ROCK2: variants seen among roughly 807,000 people sequenced by gnomAD.
ROCK2 encodes Rho associated coiled-coil containing protein kinase 2.
In ROCK2, 61 loss-of-function variants were observed where a neutral mutation model predicts 195.1. That is an observed-to-expected ratio of 0.31 (90% confidence interval 0.25 to 0.39). The LOEUF is 0.39. Ranked by LOEUF, ROCK2 falls within the 10% of genes least tolerant of loss-of-function variation. The pLI, the probability that ROCK2 is intolerant of heterozygous loss-of-function variation, is 1.00. For synonymous variants in ROCK2, 504 were observed against 545.5 expected (o/e 0.92, Z 1.06); for missense variants, 1,109 against 1,637.4 (o/e 0.68, Z 5.57).
At chr2:11,227,733 A>T (rs1382077149) in intron 5 of ROCK2, among the ~76,000 whole-genome samples, 1 of 152,338 alleles carries the variant, frequency 6.6e-6, no homozygotes, top group East Asian at 1.9e-4. Flanking sequence ...GGTTAGTACA[A>T]AATGTGGTCT....
chr2:11,317,559 C>T lies in ROCK2; in HGVS notation c.141+26437G>A, dbSNP rs201768625. Among the ~76,000 whole-genome samples, 46 of 117,138 alleles carry T rather than the reference C, an allele frequency of 3.9e-4. 1 individual carries two copies. The East Asian group carries it at 7.0e-3, about 18-fold the overall frequency. 76.8% of individuals were successfully genotyped at this position (117,138 alleles called of 152,430 possible). ...ACTTCAAAAAGCTATTTTTTAAAGC[C>T]GCCCTGATCTACACATTTATATATA... On this transcript the variant is annotated intron_variant, in intron 1 of 32. Coordinates refer to ENST00000315872, the MANE Select transcript of ROCK2 (RefSeq NM_004850.5).
chr2:11,270,102 T>C (rs972709751), intron 3 of ROCK2, among the ~76,000 whole-genome samples: 6 of 151,726 alleles, frequency 4.0e-5, no homozygotes, highest in African/African-American at 1.5e-4. Context: ...AATTCTAGAT[T>C]GGTAATTTTG....
chr2:11,310,147 T>C (rs1468986463), intron 1 of ROCK2, among the ~76,000 whole-genome samples: 1 of 152,192 alleles, frequency 6.6e-6, no homozygotes, highest in Non-Finnish European at 1.5e-5. Flanking sequence ...AAATACTGTG[T>C]ATTTCATTTC....
At chr2:11,270,573 G>T (rs1234419717) in intron 3 of ROCK2, among the ~76,000 whole-genome samples, 1 of 151,706 alleles carries the variant, frequency 6.6e-6, no homozygotes, top group Non-Finnish European at 1.5e-5. Flanking sequence ...TTCAGTTTTG[G>T]GTGTACCTAT....
intron 4 of ROCK2, among the ~76,000 whole-genome samples, chr2:11,240,236 T>C (rs1665375034): frequency 1.3e-5 from 2 of 152,332 alleles, no homozygotes; most frequent in African/African-American, 2.4e-5. Flanking sequence ...CTTCTAATCA[T>C]GTGTTTGGTC....
In ROCK2 at chr2:11,216,925, T is replaced by C. The variant is rs575244006; in HGVS notation, c.1412+165A>G. The stretch of plus-strand genomic sequence containing the variant: ...TTTTAGTAGAGACTGGGTTTCGCCA[T>C]CTTGGCCAGGCTGGTCTTGAACTCC... On this transcript the variant is annotated intron_variant, in intron 12 of 32. Transcript: ENST00000315872. Among the ~76,000 whole-genome samples the C allele has an allele frequency of 3.9e-5, 6 of 152,154 alleles. No homozygotes were observed. In the South Asian group the frequency reaches 8.3e-4, roughly 21 times the overall value.
intron 3 of ROCK2, among the ~76,000 whole-genome samples, chr2:11,266,247 T>C (rs10183296): frequency 0.78 from 118,244 of 152,170 alleles, 48,101 homozygotes; most frequent in East Asian, 0.94. Flanking sequence ...AGAAATATGT[T>C]CATGGTGGTT....
chr2:11,252,996 T>A (rs1665892679), intron 3 of ROCK2, among the ~76,000 whole-genome samples: 1 of 105,406 alleles, frequency 9.5e-6, no homozygotes, highest in African/African-American at 3.2e-5. Context: ...TTAAAGGTAA[T>A]CTGCAGGCAG....
chr2:11,299,273 C>CAA (rs1208739865), intron 1 of ROCK2, among the ~76,000 whole-genome samples: 5 of 126,172 alleles, frequency 4.0e-5, no homozygotes, highest in South Asian at 2.5e-4. Flanking sequence ...GACTCCATCT[C>CAA]AAAAAAAAAA....
At chr2:11,283,769 G>T (rs1259924428) in intron 3 of ROCK2, among the ~76,000 whole-genome samples, 1 of 152,150 alleles carries the variant, frequency 6.6e-6, no homozygotes, top group African/African-American at 2.4e-5. Context: ...CAAATGCCAG[G>T]GAGGATGTGA....
chr2:11,192,378 GAAA>G lies in ROCK2; in HGVS notation c.3950-20_3950-18del, dbSNP rs561135077. 5 of 1,586,192 alleles carry G rather than the reference GAAA, an allele frequency of 3.2e-6. No homozygotes were observed. The South Asian group carries it at 5.8e-5, about 18-fold the overall frequency. Reference sequence around the variant, plus strand: ...CATAATATACTATAAAGAAAAATTAGAAAAAAAAATTAATGTGCTTAAAATGAT... The same window carrying G: ...CATAATATACTATAAAGAAAAATTAGAAAAAATTAATGTGCTTAAAATGAT... On this transcript the variant is annotated intron_variant, in intron 31 of 32. Transcript: ENST00000315872. The surrounding 1 kb of genome is among the most constrained non-coding windows in gnomAD (Gnocchi z 5.0).
intron 3 of ROCK2, among the ~76,000 whole-genome samples, chr2:11,277,341 A>G (rs1666860146): frequency 6.6e-6 from 1 of 152,006 alleles, no homozygotes. Context: ...TTTTTCCCCC[A>G]TAGGTTATAG....
chr2:11,192,849 A>C lies in ROCK2; in HGVS notation c.3688-137T>G. On this transcript the variant is annotated intron_variant, in intron 30 of 32. Transcript: ENST00000315872. This position sits in a 1 kb window ranked among gnomAD's most constrained non-coding sequence, Gnocchi z 5.0. ...GAAAATGTATCTGAAGTACAAACTT[A>C]AGCTCTTGATTACGCAAACTTAATC... The C allele has an allele frequency of 9.9e-7, 1 of 1,014,138 alleles. No individual in the cohort carries two copies. The highest frequency in any genetic ancestry group is 1.4e-6 in the Non-Finnish European group (1 of 716,612). The allele number at this position is 1,014,138 out of a possible 1,614,324, so 62.8% of individuals were successfully genotyped here.
At chr2:11,244,186 T>C (rs968920021) in intron 4 of ROCK2, among the ~76,000 whole-genome samples, 5 of 152,232 alleles carry the variant, frequency 3.3e-5, no homozygotes, top group Non-Finnish European at 7.3e-5. Flanking sequence ...GTATTTATTA[T>C]CTCTTGAATT....
rs780025131 is a variant in ROCK2, at chr2:11,224,288, G to A, written c.1007+34C>T. ...TTTATTTCTATAAATTTAACATAAA[G>A]GGCTTCTCTACAAAGAAATTCAATG... On this transcript the variant is annotated intron_variant, in intron 7 of 32. Transcript: ENST00000315872. 28 of 1,557,394 alleles carry A rather than the reference G, an allele frequency of 1.8e-5. No individual in the cohort carries two copies. In the Admixed American group the frequency reaches 2.4e-4, roughly 13 times the overall value.
rs926889598 is a variant in ROCK2, at chr2:11,224,473, G to T, written c.869-13C>A. 6.2e-7 allele frequency: 1 copy of T among 1,608,474 alleles called. No individual in the cohort carries two copies. The highest frequency in any genetic ancestry group is 1.7e-5 in the Admixed American group (1 of 59,202). On this transcript the variant is annotated splice_polypyrimidine_tract_variant and intron_variant, in intron 6 of 32. Coordinates refer to ENST00000315872, the MANE Select transcript of ROCK2 (RefSeq NM_004850.5). Reference sequence around the variant, plus strand: ...AATGGAGTATCCCCTAAAATTTCAAGAAAGAAGATACTGAATGTAACAGAG... The same window carrying T: ...AATGGAGTATCCCCTAAAATTTCAATAAAGAAGATACTGAATGTAACAGAG...
At chr2:11,186,866 A>C (rs576617514) in intron 32 of ROCK2, among the ~76,000 whole-genome samples, 1 of 152,232 alleles carries the variant, frequency 6.6e-6, no homozygotes, top group South Asian at 2.1e-4. Flanking sequence ...ATCTTTCTTA[A>C]TGTCCTCAGG....
chr2:11,289,993 T>C (rs1465439708), intron 1 of ROCK2, among the ~76,000 whole-genome samples: 2 of 152,240 alleles, frequency 1.3e-5, no homozygotes, highest in East Asian at 3.8e-4. Context: ...AATGATACTA[T>C]GATACTTTAA....
intron 9 of ROCK2, among the ~76,000 whole-genome samples, chr2:11,220,121 G>A (rs894528373): frequency 2.6e-5 from 4 of 152,096 alleles, no homozygotes; most frequent in African/African-American, 9.7e-5. Context: ...GGGTTCAAGC[G>A]ATTCTCCTGC....
Sources: allele counts gnomAD v4.1 joint callset (sites outside exome capture counted in the v4.1 genomes callset), GRCh38; gene constraint gnomAD v4.1.1; non-coding constraint Gnocchi (gnomAD v3.1); transcripts MANE v1.5; gene names NCBI Gene and HGNC (gene_info 2026-07-23, HGNC 2026-07-21).